KANSL1: variants seen among roughly 807,000 people sequenced by gnomAD.
KANSL1 encodes KAT8 regulatory NSL complex subunit 1.
In KANSL1, 22 loss-of-function variants were observed where a neutral mutation model predicts 103.6. The ratio of observed to expected loss-of-function variants is 0.21; its 90% CI spans 0.15 to 0.30. KANSL1 has a LOEUF of 0.30. KANSL1 is among the 10% of genes least tolerant of loss of function. The pLI, the probability that KANSL1 is intolerant of heterozygous loss-of-function variation, is 1.00. For synonymous variants in KANSL1, 600 were observed against 527.6 expected, an observed-to-expected ratio of 1.14 and a Z score of -1.88; for missense variants, 1,337 against 1,399.8, an observed-to-expected ratio of 0.96 and a Z score of 0.72.
chr17:46,200,699 G>A (rs1026020037), intron 1 of KANSL1, among the ~76,000 whole-genome samples: 4 of 152,180 alleles, frequency 2.6e-5, no homozygotes, highest in Non-Finnish European at 4.4e-5. Flanking sequence ...CGGAGATCAC[G>A]CCAGTGCACT....
intron 3 of KANSL1, among the ~76,000 whole-genome samples, chr17:46,092,703 T>G (rs1279517082): frequency 2.1e-5 from 1 of 47,432 alleles, no homozygotes; most frequent in Non-Finnish European, 4.1e-5. Flanking sequence ...TGTTGGGTTG[T>G]TTTTTTTTTT....
chr17:46,117,671 T>C (rs986451965), intron 2 of KANSL1, among the ~76,000 whole-genome samples: 2 of 152,226 alleles, frequency 1.3e-5, no homozygotes, highest in Admixed American at 1.3e-4. Flanking sequence ...CAAAGACTGA[T>C]GGATCTGACT....
intron 2 of KANSL1, among the ~76,000 whole-genome samples, chr17:46,159,569 TCA>T (rs2045623894): frequency 6.6e-6 from 1 of 152,228 alleles, no homozygotes; most frequent in Non-Finnish European, 1.5e-5. Context: ...CAATATCCTT[TCA>T]AGTTCTATGG....
rs1442867278 is a variant in KANSL1 at position 46,184,518 on chromosome 17, T to C, written c.-90+8305A>G. 6.6e-5 allele frequency among the ~76,000 whole-genome samples: 10 copies of C among 152,274 alleles called. No individual in the cohort carries two copies. In the South Asian group the frequency reaches 1.0e-3, roughly 16 times the overall value. ...TTAAAATCTTTCACTGACTCTAGAGTAAGGATGAGTCCAAATTCCCCACAC... is the reference window on the plus strand; with the variant it reads ...TTAAAATCTTTCACTGACTCTAGAGCAAGGATGAGTCCAAATTCCCCACAC... On this transcript the variant is annotated intron_variant, in intron 1 of 14. Coordinates refer to ENST00000432791, the MANE Select transcript of KANSL1 (RefSeq NM_015443.4).
chr17:46,105,775 G>C (rs1248933122), intron 2 of KANSL1, among the ~76,000 whole-genome samples: 1 of 152,098 alleles, frequency 6.6e-6, no homozygotes, highest in Non-Finnish European at 1.5e-5. Context: ...GTAGGCTGAG[G>C]AGGGAGGATC....
chr17:46,219,931 G>A (rs1241844660), intron 1 of KANSL1, among the ~76,000 whole-genome samples: 20 of 151,952 alleles, frequency 1.3e-4, no homozygotes, highest in African/African-American at 2.7e-4. Context: ...GTGAAACTCC[G>A]TCTCTACTAA....
At chr17:46,128,745 T>C (rs184760638) in intron 2 of KANSL1, among the ~76,000 whole-genome samples, 391 of 152,048 alleles carry the variant, frequency 2.6e-3, no homozygotes, top group Admixed American at 4.4e-3. Context: ...AAAAGAGAGG[T>C]GATAAAGACA....
At chr17:46,172,616 T>C (rs2046343876) in intron 1 of KANSL1, among the ~76,000 whole-genome samples, 1 of 152,158 alleles carries the variant, frequency 6.6e-6, no homozygotes, top group African/African-American at 2.4e-5. Flanking sequence ...AAGCAATAAT[T>C]AAACAGAAAA....
chr17:46,109,264 C>T (rs2042701328), intron 2 of KANSL1, among the ~76,000 whole-genome samples: 1 of 152,194 alleles, frequency 6.6e-6, no homozygotes, highest in Non-Finnish European at 1.5e-5. Flanking sequence ...CAACCATACA[C>T]AACTTGAATG....
At chr17:46,196,401 G>A (rs917108613), upstream of KANSL1, 39 of 456,184 alleles carry the variant, frequency 8.5e-5, no homozygotes, top group African/African-American at 6.8e-4. Flanking sequence ...AAGCCCCCTG[G>A]ACAGCCTCCA....
chr17:46,214,094 T>C (rs1356922753), intron 1 of KANSL1, among the ~76,000 whole-genome samples: 4 of 152,320 alleles, frequency 2.6e-5, no homozygotes, highest in African/African-American at 9.6e-5. Context: ...GTCAGCAAAC[T>C]AGTTCTCTTT....
At position 46,106,520 on chromosome 17, in the gene KANSL1, G is replaced by A. The variant is rs554081514; in HGVS notation, c.1290-11819C>T. On this transcript the variant is annotated intron_variant, in intron 2 of 14. Coordinates refer to ENST00000432791, the MANE Select transcript of KANSL1 (RefSeq NM_015443.4). ...CAATTCTCCTGCCTCAGCCTCCCGA[G>A]TAGCTGGGATTACAGGCGTCCACCA... Among the ~76,000 whole-genome samples, 3 of 152,270 alleles carry A rather than the reference G, an allele frequency of 2.0e-5. No individual in the cohort carries two copies. In the East Asian group the frequency reaches 5.8e-4, roughly 29 times the overall value.
chr17:46,112,047 C>T (rs931883707), intron 2 of KANSL1, among the ~76,000 whole-genome samples: 4 of 152,094 alleles, frequency 2.6e-5, no homozygotes, highest in Non-Finnish European at 5.9e-5. Flanking sequence ...TATTATTGTA[C>T]ACCTCTATAG....
At chr17:46,165,390 G>C (rs754551803) in intron 2 of KANSL1, among the ~76,000 whole-genome samples, 13 of 152,050 alleles carry the variant, frequency 8.5e-5, no homozygotes, top group African/African-American at 2.9e-4. Flanking sequence ...CCGCCACCAC[G>C]CCCGGCTAAT....
chr17:46,181,078 A>G (rs1259989545), intron 1 of KANSL1, among the ~76,000 whole-genome samples: 1 of 152,240 alleles, frequency 6.6e-6, no homozygotes, highest in African/African-American at 2.4e-5. Context: ...AACTTCAACC[A>G]GAAAATAATA....
intron 7 of KANSL1, 88 bp downstream of exon 7, chr17:46,050,445 G>T: frequency 7.5e-7 from 1 of 1,340,754 alleles, no homozygotes; most frequent in Non-Finnish European, 1.0e-6. Context: ...AAGTATCTGA[G>T]TTGTAACTGC....
chr17:46,191,907 TA>T (rs1288236239), intron 1 of KANSL1, among the ~76,000 whole-genome samples: 1 of 145,312 alleles, frequency 6.9e-6, no homozygotes, highest in Non-Finnish European at 1.5e-5. Flanking sequence ...CTAGGAGCAC[TA>T]AACTCCAGCC....
At chr17:46,159,814 TG>T (rs72306068) in intron 2 of KANSL1, among the ~76,000 whole-genome samples, 4,479 of 152,304 alleles carry the variant, frequency 0.029, 184 homozygotes, top group African/African-American at 0.09. Flanking sequence ...AGCCATTTGA[TG>T]GGGAAAAACC....
intron 2 of KANSL1, among the ~76,000 whole-genome samples, chr17:46,136,973 T>C (rs187563653): frequency 2.1e-3 from 322 of 152,352 alleles, no homozygotes; most frequent in African/African-American, 5.7e-3. Context: ...CTCAAAAAAA[T>C]TGTAATTCCC....
Sources: allele counts gnomAD v4.1 joint callset (sites outside exome capture counted in the v4.1 genomes callset), GRCh38; gene constraint gnomAD v4.1.1; transcripts MANE v1.5; gene names NCBI Gene and HGNC (gene_info 2026-07-23, HGNC 2026-07-21).